Variants in SMCHD1 observed in about 807,000 individuals in gnomAD.
SMCHD1 encodes structural maintenance of chromosomes flexible hinge domain containing 1.
SMCHD1 carries 78 observed loss-of-function variants against 254.7 expected under a neutral mutation model. The ratio of observed to expected loss-of-function variants is 0.31; its 90% CI spans 0.26 to 0.37. The LOEUF is 0.37. Ranked by LOEUF, SMCHD1 falls within the 10% of genes least tolerant of loss-of-function variation. The pLI is 1.00. For missense variants in SMCHD1, 1,840 were observed against 2,408.1 expected (o/e 0.76, Z 4.94); for synonymous variants, 766 against 794.9 (o/e 0.96, Z 0.61).
chr18:2,666,268 A>G (rs763276151), intron 2 of SMCHD1, 36 bp downstream of exon 2: 3 of 1,003,840 alleles, frequency 3.0e-6, no homozygotes, highest in Non-Finnish European at 3.0e-6. Context: ...ATGCTTTTAT[A>G]TTTAATAAGG....
intron 21 of SMCHD1, 48 bp from the exon 22 acceptor site, chr18:2,726,404 A>ATTGAT: frequency 1.0e-6 from 1 of 972,948 alleles, no homozygotes; most frequent in Non-Finnish European, 1.5e-6. Flanking sequence ...AAACTACTTA[A>ATTGAT]GTATGTATTC....
At chr18:2,682,136 T>G (rs2073944490) in intron 5 of SMCHD1, among the ~76,000 whole-genome samples, 2 of 152,138 alleles carry the variant, frequency 1.3e-5, no homozygotes, top group African/African-American at 4.8e-5. Context: ...GTGGCCAGTT[T>G]TGTTAGAGGT....
chr18:2,657,042 G>A (rs1482194727), intron 1 of SMCHD1, among the ~76,000 whole-genome samples: 1 of 152,188 alleles, frequency 6.6e-6, no homozygotes, highest in Non-Finnish European at 1.5e-5. Flanking sequence ...GGCATTGCCT[G>A]AGCTTTGAAG....
intron 17 of SMCHD1, among the ~76,000 whole-genome samples, chr18:2,711,066 T>C (rs2074655585): frequency 6.6e-6 from 1 of 152,118 alleles, no homozygotes; most frequent in African/African-American, 2.4e-5. Context: ...AGCCTCAAAC[T>C]CCTGGGCTCA....
chr18:2,658,844 G>GTA (rs1049421000), intron 1 of SMCHD1, among the ~76,000 whole-genome samples: 2 of 150,152 alleles, frequency 1.3e-5, no homozygotes, highest in South Asian at 2.1e-4. Flanking sequence ...GTATATATAT[G>GTA]TATATGTATA....
intron 5 of SMCHD1, 103 bp downstream of exon 5, chr18:2,674,248 C>T: frequency 1.1e-6 from 1 of 870,112 alleles, no homozygotes; most frequent in Non-Finnish European, 1.7e-6. Flanking sequence ...GGAGGTTTTA[C>T]TGTTATTCAC....
intron 45 of SMCHD1, among the ~76,000 whole-genome samples, chr18:2,785,810 G>A (rs1035811663): frequency 1.3e-5 from 2 of 151,962 alleles, no homozygotes; most frequent in Non-Finnish European, 2.9e-5. Flanking sequence ...CTGTCTCTCT[G>A]AATGTGACTT....
intron 17 of SMCHD1, among the ~76,000 whole-genome samples, chr18:2,713,725 C>A (rs954455766): frequency 3.3e-5 from 5 of 152,126 alleles, no homozygotes; most frequent in African/African-American, 1.2e-4. Context: ...TCAATTTTAT[C>A]ATTGACATAA....
At chr18:2,791,073 A>C (rs17552605) in intron 45 of SMCHD1, among the ~76,000 whole-genome samples, 14,969 of 152,272 alleles carry the variant, frequency 0.098, 926 homozygotes, top group South Asian at 0.19. Flanking sequence ...AGCATACAAA[A>C]ATAATAGCAT....
intron 44 of SMCHD1, among the ~76,000 whole-genome samples, chr18:2,783,347 T>C (rs773916901): frequency 2.6e-4 from 40 of 152,212 alleles, no homozygotes; most frequent in Non-Finnish European, 5.0e-4. Context: ...GGCATATCAG[T>C]ACAAGAAGGC....
At position 2,775,881 on chromosome 18, in the gene SMCHD1, C is replaced by A. The variant is rs1213988580; in HGVS notation, c.5323C>A (p.Pro1775Thr). The A allele has an allele frequency of 6.2e-7, 1 of 1,606,282 alleles. No individual in the cohort carries two copies. Among genetic ancestry groups the A allele is most frequent in the Non-Finnish European group, 8.5e-7 (1 of 1,177,280 alleles). The stretch of plus-strand genomic sequence containing the variant: ...AACCCAAGGTCGTCAGCAGGTGTTG[C>A]CCCTTGATTCTATTTACAAGAAGAC... ...DETQGRQQVLPLDSIYKKTLP... is the reference protein window; with the variant it reads ...DETQGRQQVLTLDSIYKKTLP... The change falls in exon 42 of 48, where the codon CCC becomes ACC. Residue 1775 changes from proline (P) to threonine (T), a missense_variant. Coordinates refer to ENST00000320876, the MANE Select transcript of SMCHD1 (RefSeq NM_015295.3).
chr18:2,734,957 G>C (rs2075219087), intron 25 of SMCHD1, among the ~76,000 whole-genome samples: 1 of 151,884 alleles, frequency 6.6e-6, no homozygotes, highest in African/African-American at 2.4e-5. Context: ...TGTGATCCCA[G>C]CTACTCAGGA....
rs1443828515 is a variant in SMCHD1 at position 2,740,774 on chromosome 18, A to T, written c.3586A>T (p.Ile1196Phe). 6.2e-7 allele frequency: 1 copy of T among 1,611,856 alleles called. No individual in the cohort carries two copies. Among genetic ancestry groups the T allele is most frequent in the East Asian group, 2.2e-5 (1 of 44,670 alleles). The change falls in exon 28 of 48, where the codon ATT becomes TTT. Residue 1196 changes from isoleucine (I) to phenylalanine (F), a missense_variant. Physicochemically the swap from Ile to Phe is conservative, Grantham distance 21. This residue lies in a region of SMCHD1 where 881 missense variants were observed against 1,009.5 expected (regional missense o/e 0.87). Coordinates refer to ENST00000320876, the MANE Select transcript of SMCHD1 (RefSeq NM_015295.3). Reference sequence around the variant, plus strand: ...ACCAAGTTCTTTATCTTCTTTGTCAATTGCTGGGGTTGGACTTGATAGCTC... The same window carrying T: ...ACCAAGTTCTTTATCTTCTTTGTCATTTGCTGGGGTTGGACTTGATAGCTC... ...FSPSSLSSLS[I>F]AGVGLDSSNL...
intron 3 of SMCHD1, chr18:2,673,053 T>G (rs955208764): frequency 2.0e-6 from 2 of 985,266 alleles, no homozygotes; most frequent in Non-Finnish European, 2.4e-6. Context: ...CATGGCTGGC[T>G]GACTCATGCT....
chr18:2,678,568 C>T (rs11080977), intron 5 of SMCHD1, among the ~76,000 whole-genome samples: 61,825 of 151,964 alleles, frequency 0.41, 14,391 homozygotes, highest in East Asian at 0.6. Context: ...CCGCCCACCT[C>T]GGCCTCCCAA....
intron 17 of SMCHD1, among the ~76,000 whole-genome samples, chr18:2,717,271 C>T (rs1449615290): frequency 6.6e-6 from 1 of 152,232 alleles, no homozygotes; most frequent in Non-Finnish European, 1.5e-5. Flanking sequence ...TCCCTTCTCA[C>T]ACAGAGGATT....
In SMCHD1 at chr18:2,775,573, A is replaced by G. The variant is rs918268191; in HGVS notation, c.5176-161A>G. Among the ~76,000 whole-genome samples, 4 of 152,280 alleles carry G rather than the reference A, an allele frequency of 2.6e-5. No individual in the cohort carries two copies. In the East Asian group the frequency reaches 7.7e-4, roughly 29 times the overall value. On this transcript the variant is annotated intron_variant, in intron 41 of 47. Transcript: ENST00000320876. ...AATTTTAATTTAATATCAGAATACA[A>G]TGTTTAATATATTCAAGTTAAGTTT...
At chr18:2,744,192 A>G (rs531463633) in intron 29 of SMCHD1, among the ~76,000 whole-genome samples, 2 of 152,194 alleles carry the variant, frequency 1.3e-5, no homozygotes, top group African/African-American at 4.8e-5. Context: ...AGCATGCATA[A>G]AAATAAAAAG....
rs1175488217 is a variant in SMCHD1 at position 2,803,684 on chromosome 18, G to T, written c.*1132G>T. On this transcript the variant is annotated 3_prime_UTR_variant, in exon 48 of 48. Transcript: ENST00000320876. ...TATCTTGTTAAAAAACGATGATGAT[G>T]TTAACCTATCTATCTTTATAATTGG... 1 of 8,056 alleles carries T rather than the reference G, an allele frequency of 1.2e-4. No homozygotes were observed. The highest frequency in any genetic ancestry group is 1.9e-3 in the Non-Finnish European group (1 of 520). The allele number at this position is 8,056 out of a possible 1,614,324, so 0.5% of individuals were successfully genotyped here.
Sources: gnomAD v4.1 joint callset for allele counts (sites outside exome capture counted in the v4.1 genomes callset) on GRCh38, gnomAD v4.1.1 for gene constraint, gnomAD v4.1.1 regional missense constraint, MANE v1.5 for transcripts, NCBI Gene and HGNC (gene_info 2026-07-23, HGNC 2026-07-21) for gene names.